Variants in MR1 observed in about 807,000 individuals in gnomAD.
The protein encoded by MR1 is major histocompatibility complex, class I-related.
MR1 carries 44 observed loss-of-function variants against 37.8 expected under a neutral mutation model. The observed-to-expected ratio is 1.16, with a 90% CI of 0.91 to 1.50. The LOEUF (loss-of-function observed/expected upper bound fraction) is 1.50. Ranked by LOEUF, MR1 falls within the 40% of genes most tolerant of loss-of-function variation. MR1 has a pLI of 0.00. For missense variants in MR1, 386 were observed against 419.1 expected (o/e 0.92, Z 0.69); for synonymous variants, 153 against 155.8 (o/e 0.98, Z 0.13).
chr1:181,039,421 G>T (rs1255230154), intron 1 of MR1, among the ~76,000 whole-genome samples: 4 of 152,140 alleles, frequency 2.6e-5, no homozygotes, highest in African/African-American at 9.7e-5. Context: ...GCTGCTTGTT[G>T]CCGTGTGTGG....
rs778446144 is a variant in MR1, at chr1:181,053,587, C to T, written c.895C>T (p.Pro299Ser). ...CTTGCTTTCAGAATCAGAAACTATC[C>T]CTCTTGTGATGAAAGCTGTCTCTGG... The part of the protein sequence containing the change: ...LQVPQESETI[P>S]LVMKAVSGSI... Residue 299 changes from proline (P) to serine (S), a missense_variant, in exon 5 of 6, where the codon CCT becomes TCT. Pro to Ser is a moderately conservative substitution (Grantham distance 74, BLOSUM62 -1). Transcript: ENST00000367580. 3 of 1,613,044 alleles carry T rather than the reference C, an allele frequency of 1.9e-6. No individual in the cohort carries two copies. The highest frequency in any genetic ancestry group is 2.5e-6 in the Non-Finnish European group (3 of 1,179,276).
rs200815286 is a variant in MR1 at position 181,034,115 on chromosome 1, G to A, written c.67+41G>A. 9 of 1,585,054 alleles carry A rather than the reference G, an allele frequency of 5.7e-6. No homozygotes were observed. In the East Asian group the frequency reaches 6.7e-5, roughly 12 times the overall value. On this transcript the variant is annotated intron_variant, in intron 1 of 5. Coordinates refer to ENST00000367580, the MANE Select transcript of MR1 (RefSeq NM_001385161.1). The stretch of plus-strand genomic sequence containing the variant: ...CCTCTTCTCTCCTAACTCCAAAGTC[G>A]AGGCAGCCTAGAAGGCACAGCTTTT...
At chr1:181,046,115 C>A (rs1014844004) in intron 1 of MR1, among the ~76,000 whole-genome samples, 1 of 152,242 alleles carries the variant, frequency 6.6e-6, no homozygotes, top group African/African-American at 2.4e-5. Flanking sequence ...AGCCTCCCAC[C>A]CCCTCCATGG....
At chr1:181,045,345 T>G (rs1375166121) in intron 1 of MR1, among the ~76,000 whole-genome samples, 2 of 152,082 alleles carry the variant, frequency 1.3e-5, no homozygotes, top group Non-Finnish European at 2.9e-5. Flanking sequence ...TTTGCCAGCT[T>G]TTGGGGATGG....
chr1:181,055,787 G>A lies in MR1; in HGVS notation c.*522G>A, dbSNP rs1658581445. 6.3e-6 allele frequency: 1 copy of A among 157,810 alleles called. No homozygotes were observed. The highest frequency in any genetic ancestry group is 2.4e-5 in the African/African-American group (1 of 41,476). 9.8% of individuals were successfully genotyped at this position (157,810 alleles called of 1,614,324 possible). On this transcript the variant is annotated 3_prime_UTR_variant, in exon 6 of 6. Coordinates refer to ENST00000367580, the MANE Select transcript of MR1 (RefSeq NM_001385161.1). ...ACCATGACTGTGACCCTACAGGTAG[G>A]ATTGGATCACTCCATGAGAGTAGCC...
At position 181,057,805 on chromosome 1, in the gene MR1, G is replaced by A. The variant is rs1216783038; in HGVS notation, c.*2540G>A. ...GTGGGCAGATCACCTGAGGTCGGGAGTTCGAGACCAGCCTGACCAACATGG... is the reference window on the plus strand; with the variant it reads ...GTGGGCAGATCACCTGAGGTCGGGAATTCGAGACCAGCCTGACCAACATGG... On this transcript the variant is annotated 3_prime_UTR_variant, in exon 6 of 6. Coordinates refer to ENST00000367580, the MANE Select transcript of MR1 (RefSeq NM_001385161.1). The A allele has an allele frequency of 6.6e-6, 1 of 152,222 alleles. No individual in the cohort carries two copies. Among genetic ancestry groups the A allele is most frequent in the Non-Finnish European group, 1.5e-5 (1 of 68,052 alleles). 9.4% of individuals were successfully genotyped at this position (152,222 alleles called of 1,614,324 possible).
At position 181,059,019 on chromosome 1, in the gene MR1, A is replaced by T. The variant is rs1233441736; in HGVS notation, c.*3754A>T. On this transcript the variant is annotated 3_prime_UTR_variant, in exon 6 of 6. Coordinates refer to ENST00000367580, the MANE Select transcript of MR1 (RefSeq NM_001385161.1). ...GCTCTCTGGAGTTTGCTATTTTCTC[A>T]CACACAGTGTATTAGTTCACAGAAT... 6.6e-6 allele frequency: 1 copy of T among 152,200 alleles called. No homozygotes were observed. The highest frequency in any genetic ancestry group is 1.9e-4 in the East Asian group (1 of 5,202). 9.4% of individuals were successfully genotyped at this position (152,200 alleles called of 1,614,324 possible).
rs373825850 is a variant in MR1 at position 181,056,012 on chromosome 1, A to G, written c.*747A>G. The G allele has an allele frequency of 1.3e-5, 2 of 152,182 alleles. No individual in the cohort carries two copies. The highest frequency in any genetic ancestry group is 3.8e-4 in the East Asian group (2 of 5,196). The allele number at this position is 152,182 out of a possible 1,614,324, so 9.4% of individuals were successfully genotyped here. On this transcript the variant is annotated 3_prime_UTR_variant, in exon 6 of 6. Coordinates refer to ENST00000367580, the MANE Select transcript of MR1 (RefSeq NM_001385161.1). The stretch of plus-strand genomic sequence containing the variant: ...AAATTAAGAGAAATAATTATCAGAC[A>G]TATCATCACCTCCAGTGGAACTACA...
In MR1 at chr1:181,049,135, GA is replaced by G. The variant is rs1458611101; in HGVS notation, c.152del (p.Asp51AlafsTer38). 2.5e-6 allele frequency: 4 copies of G among 1,614,170 alleles called. No homozygotes were observed. In the East Asian group the frequency reaches 8.9e-5, roughly 36 times the overall value. ...VPEFISVGYV[D>X]SHPITTYDSV... ...TGAATTTATTTCGGTTGGGTACGTGGACTCGCACCCTATCACCACATATGAC... is the reference window on the plus strand; with the variant it reads ...TGAATTTATTTCGGTTGGGTACGTGGCTCGCACCCTATCACCACATATGAC... On this transcript the variant is annotated frameshift_variant, in exon 2 of 6. Transcript: ENST00000367580. LOFTEE classifies it high-confidence loss of function.
Position 181,033,986 on chromosome 1 carries a change from A to G in MR1, c.-22A>G. 1 of 1,601,110 alleles carries G rather than the reference A, an allele frequency of 6.2e-7. No individual in the cohort carries two copies. The highest frequency in any genetic ancestry group is 1.8e-5 in the Admixed American group (1 of 56,040). On this transcript the variant is annotated 5_prime_UTR_variant, in exon 1 of 6. Coordinates refer to ENST00000367580, the MANE Select transcript of MR1 (RefSeq NM_001385161.1). ...AGGGACCTGTCAGTTTTTGGTTAAA[A>G]GAACCCGGAAAGAGAAGGACTATGG...
In MR1 at chr1:181,061,481, G is replaced by A. The variant is rs562899356; in HGVS notation, c.*6216G>A. 1 of 152,162 alleles carries A rather than the reference G, an allele frequency of 6.6e-6. No homozygotes were observed. The highest frequency in any genetic ancestry group is 2.1e-4 in the South Asian group (1 of 4,826). 9.4% of individuals were successfully genotyped at this position (152,162 alleles called of 1,614,324 possible). On this transcript the variant is annotated 3_prime_UTR_variant, in exon 6 of 6. Transcript: ENST00000367580. ...ACAGAAATGGGCTGCACACCAGAATGAATGAATTGAATTGAAAGGGAGGAG... is the reference window on the plus strand; with the variant it reads ...ACAGAAATGGGCTGCACACCAGAATAAATGAATTGAATTGAAAGGGAGGAG...
intron 1 of MR1, among the ~76,000 whole-genome samples, chr1:181,042,357 A>G (rs1202087934): frequency 6.6e-6 from 1 of 151,414 alleles, no homozygotes; most frequent in African/African-American, 2.4e-5. Context: ...ATGCGCCACC[A>G]TGCCTGGCTA....
Position 181,055,485 on chromosome 1 carries a change from T to C in MR1, c.*220T>C, listed in dbSNP as rs189085800. On this transcript the variant is annotated 3_prime_UTR_variant, in exon 6 of 6. Transcript: ENST00000367580. ...GCTTTCAGTCTCTTTTGATGGACTG[T>C]TTTATCAGAGTTGACTTTAAATACA... 1.9e-4 allele frequency: 106 copies of C among 555,700 alleles called. No homozygotes were observed. The highest frequency in any genetic ancestry group is 2.9e-4 in the Non-Finnish European group (92 of 314,640). The allele number at this position is 555,700 out of a possible 1,614,324, so 34.4% of individuals were successfully genotyped here.
rs367548989 is a variant in MR1, at chr1:181,050,177, G to A, written c.495G>A (p.Trp165Ter). 14 of 1,614,110 alleles carry A rather than the reference G, an allele frequency of 8.7e-6. No homozygotes were observed. Among genetic ancestry groups the A allele is most frequent in the Non-Finnish European group, 1.2e-5 (14 of 1,180,046 alleles). The change falls in exon 3 of 6, where the codon TGG (tryptophan) becomes TGA (stop). Residue 165 changes from tryptophan to a stop codon, truncating the protein, a stop_gained. Coordinates refer to ENST00000367580, the MANE Select transcript of MR1 (RefSeq NM_001385161.1). LOFTEE classifies it high-confidence loss of function. ...DNVAHTIKQA[W>*]EANQHELLYQ... is the part of the protein sequence containing the mutation. ...TGGCTCACACCATCAAGCAGGCATGGGAGGCCAATCAGCATGAGTTGCTGT... is the reference window on the plus strand; with the variant it reads ...TGGCTCACACCATCAAGCAGGCATGAGAGGCCAATCAGCATGAGTTGCTGT...
rs538266686 is a variant in MR1 at position 181,055,775 on chromosome 1, C to A, written c.*510C>A. 6.3e-6 allele frequency: 1 copy of A among 159,558 alleles called. No homozygotes were observed. Among genetic ancestry groups the A allele is most frequent in the African/African-American group, 2.4e-5 (1 of 41,624 alleles). The allele number at this position is 159,558 out of a possible 1,614,324, so 9.9% of individuals were successfully genotyped here. On this transcript the variant is annotated 3_prime_UTR_variant, in exon 6 of 6. Transcript: ENST00000367580. The stretch of plus-strand genomic sequence containing the variant: ...AATATCATGGGCACCATGACTGTGA[C>A]CCTACAGGTAGGATTGGATCACTCC...
intron 3 of MR1, chr1:181,050,818 C>A: frequency 6.3e-6 from 1 of 159,142 alleles, no homozygotes; most frequent in East Asian, 1.8e-4. Context: ...ATTGTGAGAC[C>A]CTGTCTCTAT....
intron 1 of MR1, among the ~76,000 whole-genome samples, chr1:181,048,395 C>T (rs1271666669): frequency 6.6e-6 from 1 of 151,662 alleles, no homozygotes; most frequent in Non-Finnish European, 1.5e-5. Flanking sequence ...ATTAGCCAGG[C>T]GTGGTGGTGT....
At position 181,052,465 on chromosome 1, in the gene MR1, CAT is replaced by C. The variant is rs757142331; in HGVS notation, c.836_837del (p.His279ArgfsTer91). On this transcript the variant is annotated frameshift_variant, in exon 4 of 6. Coordinates refer to ENST00000367580, the MANE Select transcript of MR1 (RefSeq NM_001385161.1). LOFTEE classifies it high-confidence loss of function. ...TCAGAGCAGCAACCTTTACTCCTGT[CAT>C]GTGGAGCACTGCGGTGTCCACATGG... Reference protein sequence around the residue: ...DPQSSNLYSCHVEHCGVHMVL... With the variant: ...DPQSSNLYSCXVEHCGVHMVL... 1 of 1,614,156 alleles carries C rather than the reference CAT, an allele frequency of 6.2e-7. No homozygotes were observed. The highest frequency in any genetic ancestry group is 1.1e-5 in the South Asian group (1 of 91,074).
In MR1 at chr1:181,052,220, G is replaced by C. The variant is rs764014489; in HGVS notation, c.605-15G>C. On this transcript the variant is annotated splice_polypyrimidine_tract_variant and intron_variant, in intron 3 of 5. Transcript: ENST00000367580. ...CATAAGGCACTTTGATTTAACTTTAGCTTCTTCTTCCTAGAGCCCCCACTG... is the reference window on the plus strand; with the variant it reads ...CATAAGGCACTTTGATTTAACTTTACCTTCTTCTTCCTAGAGCCCCCACTG... The C allele has an allele frequency of 1.1e-5, 17 of 1,611,200 alleles. No homozygotes were observed. The highest frequency in any genetic ancestry group is 1.3e-5 in the Non-Finnish European group (15 of 1,178,260).
Sources: allele counts gnomAD v4.1 joint callset (sites outside exome capture counted in the v4.1 genomes callset), GRCh38; gene constraint gnomAD v4.1.1; transcripts MANE v1.5; gene names NCBI Gene and HGNC (gene_info 2026-07-23, HGNC 2026-07-21).